ATP8A2: variants seen among roughly 807,000 people sequenced by gnomAD.
ATP8A2 encodes the protein phospholipid-transporting ATPase IB.
In ATP8A2, 100 loss-of-function variants were observed where a neutral mutation model predicts 165.6. The observed-to-expected ratio is 0.60, with a 90% confidence interval of 0.51 to 0.71. ATP8A2 has a LOEUF of 0.71. ATP8A2 is among the 30% of genes least tolerant of loss of function. The probability of loss-of-function intolerance (pLI) is 0.00; values close to 1 mark genes in which losing one functional copy is unlikely to be tolerated. For synonymous variants in ATP8A2, 543 were observed against 548.8 expected (o/e 0.99, Z 0.15); for missense variants, 1,227 against 1,479.5 (o/e 0.83, Z 2.80).
chr13:25,501,101 G>T (rs374290230), intron 2 of ATP8A2, among the ~76,000 whole-genome samples: 1 of 152,156 alleles, frequency 6.6e-6, no homozygotes, highest in Non-Finnish European at 1.5e-5. Flanking sequence ...GGGCAGAAAG[G>T]GGGAGGCATG....
intron 4 of ATP8A2, among the ~76,000 whole-genome samples, chr13:25,531,254 A>ATATGATATATATGT (rs2038046973): frequency 5.3e-5 from 1 of 18,798 alleles, no homozygotes; most frequent in African/African-American, 1.8e-4. Context: ...GTTATATATG[A>ATATGATATATATGT]TATATATGAT....
At chr13:25,989,870 C>T (rs1347394280) in intron 35 of ATP8A2, among the ~76,000 whole-genome samples, 1 of 152,230 alleles carries the variant, frequency 6.6e-6, no homozygotes, top group Non-Finnish European at 1.5e-5. Context: ...AGGACAGTAA[C>T]TCTCAGCCAC....
chr13:25,625,718 C>G (rs1399902051), intron 24 of ATP8A2, among the ~76,000 whole-genome samples: 1 of 152,172 alleles, frequency 6.6e-6, no homozygotes, highest in Non-Finnish European at 1.5e-5. Flanking sequence ...ATGACTGTTA[C>G]TGCAAGTTTT....
At chr13:25,875,789 T>C (rs984926484) in intron 33 of ATP8A2, among the ~76,000 whole-genome samples, 1 of 152,220 alleles carries the variant, frequency 6.6e-6, no homozygotes, top group African/African-American at 2.4e-5. Flanking sequence ...CTTAATTACT[T>C]CATGGAAAAT....
At chr13:25,721,083 A>G (rs1197781738) in intron 25 of ATP8A2, among the ~76,000 whole-genome samples, 1 of 151,622 alleles carries the variant, frequency 6.6e-6, no homozygotes, top group African/African-American at 2.4e-5. Flanking sequence ...AGCCTCCCGA[A>G]TAGCTGTGGC....
chr13:25,711,890 C>G (rs996267383), intron 25 of ATP8A2, among the ~76,000 whole-genome samples: 3 of 152,100 alleles, frequency 2.0e-5, no homozygotes, highest in African/African-American at 7.2e-5. Context: ...AGAGGGGGTC[C>G]TGGAGGAGGA....
intron 2 of ATP8A2, among the ~76,000 whole-genome samples, chr13:25,481,737 G>T (rs987058721): frequency 3.9e-5 from 6 of 152,188 alleles, no homozygotes; most frequent in African/African-American, 1.4e-4. Context: ...TCTGGTGCGG[G>T]CTCTCTCCTG....
At chr13:25,717,849 A>G (rs79361042) in intron 25 of ATP8A2, among the ~76,000 whole-genome samples, 2,317 of 152,312 alleles carry the variant, frequency 0.015, 43 homozygotes, top group African/African-American at 0.052. Flanking sequence ...GTGGTCTGGC[A>G]TGTACCTAAT....
At chr13:25,862,247 T>A in intron 32 of ATP8A2, 54 bp from the exon 33 acceptor site, 1 of 1,324,604 alleles carries the variant, frequency 7.5e-7, no homozygotes, top group Non-Finnish European at 1.1e-6. Flanking sequence ...GGAGTTGGGG[T>A]GAATCTGCCA....
At chr13:25,433,196 A>T (rs2034662851) in intron 1 of ATP8A2, among the ~76,000 whole-genome samples, 1 of 152,160 alleles carries the variant, frequency 6.6e-6, no homozygotes, top group African/African-American at 2.4e-5. Flanking sequence ...GAAAGGAGAG[A>T]AGGAAGTGTT....
At chr13:25,413,131 T>C (rs971455100) in intron 1 of ATP8A2, among the ~76,000 whole-genome samples, 2 of 152,150 alleles carry the variant, frequency 1.3e-5, no homozygotes, top group Non-Finnish European at 2.9e-5. Context: ...AGGGATCAGT[T>C]TGTAAACTCA....
At chr13:25,855,086 A>C (rs374218383) in intron 30 of ATP8A2, among the ~76,000 whole-genome samples, 1 of 152,178 alleles carries the variant, frequency 6.6e-6, no homozygotes, top group East Asian at 1.9e-4. Context: ...CCCCGTCTCT[A>C]CTAAAAATAC....
At chr13:25,859,057 G>A (rs576106452) in intron 30 of ATP8A2, among the ~76,000 whole-genome samples, 39 of 152,038 alleles carry the variant, frequency 2.6e-4, no homozygotes, top group African/African-American at 8.0e-4. Context: ...ACAAAAATTA[G>A]CCAGGCATGG....
At chr13:25,664,427 C>T (rs1225077726) in intron 24 of ATP8A2, among the ~76,000 whole-genome samples, 1 of 152,160 alleles carries the variant, frequency 6.6e-6, no homozygotes, top group Non-Finnish European at 1.5e-5. Context: ...CATGATCTTG[C>T]CCCTCTTCAG....
At chr13:25,782,321 TA>T (rs2044901280) in intron 27 of ATP8A2, among the ~76,000 whole-genome samples, 1 of 152,214 alleles carries the variant, frequency 6.6e-6, no homozygotes, top group Non-Finnish European at 1.5e-5. Flanking sequence ...AAGGCAAATT[TA>T]AAAATATCAT....
intron 15 of ATP8A2, among the ~76,000 whole-genome samples, chr13:25,561,716 G>A (rs914976126): frequency 3.9e-5 from 6 of 152,172 alleles, no homozygotes; most frequent in Admixed American, 3.3e-4. Context: ...GCAGCCATCC[G>A]CACCATTCAT....
chr13:25,404,518 G>A (rs1442426764), intron 1 of ATP8A2, among the ~76,000 whole-genome samples: 1 of 152,028 alleles, frequency 6.6e-6, no homozygotes, highest in Admixed American at 6.6e-5. Flanking sequence ...AAGCATTCAA[G>A]GAGAGGAATA....
chr13:25,740,143 A>C (rs891056525), intron 25 of ATP8A2, among the ~76,000 whole-genome samples: 2 of 152,026 alleles, frequency 1.3e-5, no homozygotes, highest in African/African-American at 4.8e-5. Flanking sequence ...CCCCATCTCT[A>C]TTCCAAATAC....
intron 27 of ATP8A2, among the ~76,000 whole-genome samples, chr13:25,806,247 T>C (rs1399179961): frequency 2.0e-5 from 3 of 152,148 alleles, no homozygotes; most frequent in African/African-American, 7.2e-5. Context: ...AGTAACAGGT[T>C]CATTTGTGCA....
Sources: allele counts gnomAD v4.1 joint callset (sites outside exome capture counted in the v4.1 genomes callset), GRCh38; gene constraint gnomAD v4.1.1; transcripts MANE v1.5; gene names NCBI Gene and HGNC (gene_info 2026-07-23, HGNC 2026-07-21).